PDE9A: variants seen among roughly 807,000 people sequenced by gnomAD.
PDE9A encodes phosphodiesterase 9A, also known as high affinity cGMP-specific 3',5'-cyclic phosphodiesterase 9A.
PDE9A carries 60 observed loss-of-function variants against 87.4 expected under a neutral mutation model. That is an observed-to-expected ratio of 0.69 (90% CI 0.56 to 0.85). PDE9A has a LOEUF of 0.85. PDE9A is among the 40% of genes least tolerant of loss of function. PDE9A has a pLI of 0.00. For missense variants in PDE9A, 665 were observed against 779.0 expected (o/e 0.85, Z 1.74); for synonymous variants, 272 against 279.4 (o/e 0.97, Z 0.27).
At chr21:42,706,061 C>T (rs561757023) in intron 4 of PDE9A, among the ~76,000 whole-genome samples, 1 of 152,320 alleles carries the variant, frequency 6.6e-6, no homozygotes, top group African/African-American at 2.4e-5. Flanking sequence ...CGGCGGCCGG[C>T]AGGGTGGGCA....
intron 3 of PDE9A, chr21:42,689,890 C>CGGATG (rs2059693592): frequency 2.1e-6 from 2 of 958,142 alleles, no homozygotes; most frequent in African/African-American, 3.6e-5. Flanking sequence ...GAGACACACG[C>CGGATG]AGTTGAGGAT....
intron 8 of PDE9A, among the ~76,000 whole-genome samples, chr21:42,748,078 A>C (rs13047677): frequency 0.033 from 5,077 of 152,270 alleles, 120 homozygotes; most frequent in Middle Eastern, 0.068. Flanking sequence ...CGGGATTCGA[A>C]CAGTCAAACT....
In PDE9A at chr21:42,668,406, C is replaced by T. The variant is rs538079429; in HGVS notation, c.69+14523C>T. 5.3e-5 allele frequency among the ~76,000 whole-genome samples: 8 copies of T among 152,256 alleles called. No individual in the cohort carries two copies. In the South Asian group the frequency reaches 1.7e-3, roughly 32 times the overall value. On this transcript the variant is annotated intron_variant, in intron 1 of 19. Coordinates refer to ENST00000291539, the MANE Select transcript of PDE9A (RefSeq NM_002606.3). ...GGGTGAGGCCCCAGAGAGGGGGTGGCGGAAGGGTCATGTTCATGCAGCGAG... is the reference window on the plus strand; with the variant it reads ...GGGTGAGGCCCCAGAGAGGGGGTGGTGGAAGGGTCATGTTCATGCAGCGAG...
At chr21:42,670,717 T>G (rs1256860493) in intron 1 of PDE9A, among the ~76,000 whole-genome samples, 1 of 150,148 alleles carries the variant, frequency 6.7e-6, no homozygotes, top group Non-Finnish European at 1.5e-5. Flanking sequence ...ACACTTACAC[T>G]CACAGTCACA....
intron 10 of PDE9A, among the ~76,000 whole-genome samples, chr21:42,756,353 AC>A (rs1260792949): frequency 6.6e-6 from 1 of 152,158 alleles, no homozygotes; most frequent in Non-Finnish European, 1.5e-5. Context: ...ACTCGGCCCC[AC>A]AAAACTGCAT....
chr21:42,682,590 A>G (rs1223628788), intron 1 of PDE9A, among the ~76,000 whole-genome samples: 2 of 152,242 alleles, frequency 1.3e-5, no homozygotes, highest in Non-Finnish European at 2.9e-5. Flanking sequence ...GCTCTCCTCC[A>G]GATTTCACCG....
chr21:42,749,384 C>T (rs374765451), intron 8 of PDE9A, among the ~76,000 whole-genome samples: 3 of 152,174 alleles, frequency 2.0e-5, no homozygotes, highest in African/African-American at 7.2e-5. Context: ...AGCAAGTTCA[C>T]ACCCATAGGG....
At chr21:42,736,112 C>T (rs529607526) in intron 7 of PDE9A, among the ~76,000 whole-genome samples, 2 of 152,258 alleles carry the variant, frequency 1.3e-5, no homozygotes, top group Non-Finnish European at 2.9e-5. Flanking sequence ...GGTTTTTCCT[C>T]AGCCTTCCCC....
chr21:42,674,803 G>A (rs2058756256), intron 1 of PDE9A, among the ~76,000 whole-genome samples: 1 of 152,214 alleles, frequency 6.6e-6, no homozygotes, highest in Non-Finnish European at 1.5e-5. Context: ...TTGGCTTAAT[G>A]CCAAAGAGTG....
chr21:42,738,876 G>A (rs1030380609), intron 7 of PDE9A, among the ~76,000 whole-genome samples: 9 of 152,226 alleles, frequency 5.9e-5, no homozygotes, highest in South Asian at 2.1e-4. Flanking sequence ...TAGTGGAGAC[G>A]GGGTTTCATT....
chr21:42,666,806 CA>C (rs910083294), intron 1 of PDE9A, among the ~76,000 whole-genome samples: 1 of 152,204 alleles, frequency 6.6e-6, no homozygotes, highest in African/African-American at 2.4e-5. Context: ...CAGTTCAGTC[CA>C]TAGCACCCGC....
chr21:42,662,947 C>T lies in PDE9A; in HGVS notation c.69+9064C>T, dbSNP rs368518759. ...ATCACACACATGCACACCACGCACA[C>T]GCACATCACATGCACACGCCACGCG... On this transcript the variant is annotated intron_variant, in intron 1 of 19. Coordinates refer to ENST00000291539, the MANE Select transcript of PDE9A (RefSeq NM_002606.3). 6.5e-4 allele frequency among the ~76,000 whole-genome samples: 94 copies of T among 144,792 alleles called. 1 individual carries two copies. The highest frequency in any genetic ancestry group is 2.5e-3 in the African/African-American group (93 of 37,268). 95.0% of individuals were successfully genotyped at this position (144,792 alleles called of 152,430 possible).
At chr21:42,728,355 A>T (rs759440467) in intron 4 of PDE9A, among the ~76,000 whole-genome samples, 2 of 152,094 alleles carry the variant, frequency 1.3e-5, no homozygotes, top group Non-Finnish European at 2.9e-5. Flanking sequence ...CTTTTAATCA[A>T]CTTGAAGAAG....
At chr21:42,706,954 C>T (rs971100055) in intron 4 of PDE9A, among the ~76,000 whole-genome samples, 1 of 152,158 alleles carries the variant, frequency 6.6e-6, no homozygotes, top group African/African-American at 2.4e-5. Context: ...GGCTGGATGA[C>T]GTTCCGTTGC....
chr21:42,744,235 C>T (rs2053609226), intron 8 of PDE9A, among the ~76,000 whole-genome samples: 1 of 152,120 alleles, frequency 6.6e-6, no homozygotes, highest in Non-Finnish European at 1.5e-5. Context: ...TGCCTGTAAC[C>T]CCAGCTACTT....
At chr21:42,719,814 G>C (rs1384153406) in intron 4 of PDE9A, among the ~76,000 whole-genome samples, 1 of 152,202 alleles carries the variant, frequency 6.6e-6, no homozygotes. Context: ...AAATGTTGCT[G>C]CTGTGTACAA....
chr21:42,732,089 G>C lies in PDE9A; in HGVS notation c.462G>C (p.Gln154His). The C allele has an allele frequency of 6.2e-7, 1 of 1,614,232 alleles. No homozygotes were observed. Among genetic ancestry groups the C allele is most frequent in the Non-Finnish European group, 8.5e-7 (1 of 1,180,020 alleles). ...RIPPEREELI[Q>H]SVLAQVAEQF... The stretch of plus-strand genomic sequence containing the variant: ...TTGTAGAGAGAGAAGAATTAATCCA[G>C]AGCGTGCTGGCGCAGGTTGCAGAGC... Residue 154 changes from glutamine (Q) to histidine (H), a missense_variant, in exon 6 of 20, where the codon CAG becomes CAC. Physicochemically the swap from Gln to His is conservative, Grantham distance 24. Transcript: ENST00000291539.
chr21:42,747,372 T>C (rs2053972477), intron 8 of PDE9A, among the ~76,000 whole-genome samples: 1 of 152,106 alleles, frequency 6.6e-6, no homozygotes, highest in Admixed American at 6.5e-5. Flanking sequence ...CGTTCTTGCC[T>C]CTGGGAAGAG....
chr21:42,775,224 GC>G, intron 19 of PDE9A, 55 bp from the exon 20 acceptor site: 1 of 1,586,470 alleles, frequency 6.3e-7, no homozygotes, highest in Non-Finnish European at 8.6e-7. Flanking sequence ...AAAGGTGTGA[GC>G]CACCGCGCCC....
Sources: allele counts gnomAD v4.1 joint callset (sites outside exome capture counted in the v4.1 genomes callset), GRCh38; gene constraint gnomAD v4.1.1; transcripts MANE v1.5; gene names NCBI Gene and HGNC (gene_info 2026-07-23, HGNC 2026-07-21).